Variants in UNC5C observed in about 807,000 individuals in gnomAD.
UNC5C encodes the protein unc-5 netrin receptor C, also known as netrin receptor UNC5C.
UNC5C carries 47 observed loss-of-function variants against 99.8 expected under a neutral mutation model. The ratio of observed to expected loss-of-function variants is 0.47; its 90% CI spans 0.37 to 0.60. The LOEUF (loss-of-function observed/expected upper bound fraction) is 0.60. UNC5C is among the 20% of genes least tolerant of loss of function. The pLI is 0.00. For missense variants in UNC5C, 1,062 were observed against 1,165.9 expected, an observed-to-expected ratio of 0.91 and a Z score of 1.30; for synonymous variants, 487 against 452.2, an observed-to-expected ratio of 1.08 and a Z score of -0.98.
intron 2 of UNC5C, among the ~76,000 whole-genome samples, chr4:95,316,947 A>G (rs1467345757): frequency 4.7e-5 from 7 of 150,302 alleles, no homozygotes; most frequent in Admixed American, 1.3e-4. Flanking sequence ...CTGTAATTTC[A>G]TATGTTCCTG....
At chr4:95,356,218 CAAAAAAA>C (rs796623348) in intron 1 of UNC5C, among the ~76,000 whole-genome samples, 1 of 81,782 alleles carries the variant, frequency 1.2e-5, no homozygotes. Context: ...AAAAACAAAA[CAAAAAAA>C]AAACAGATTC....
intron 1 of UNC5C, among the ~76,000 whole-genome samples, chr4:95,436,286 C>CA (rs1746787630): frequency 6.6e-6 from 1 of 151,634 alleles, no homozygotes; most frequent in African/African-American, 2.4e-5. Context: ...GGAAGTACCC[C>CA]TCTATTAAAT....
rs1321239897 is a variant in UNC5C, at chr4:95,540,754, T to C, written c.124+7980A>G. ...AATTCAAATGTCAATGTATTTCACA[T>C]AGACATACAGTTCAAAGTGAAATTA... On this transcript the variant is annotated intron_variant, in intron 1 of 15. Transcript: ENST00000453304. Among the ~76,000 whole-genome samples the C allele has an allele frequency of 2.0e-5, 3 of 152,326 alleles. No individual in the cohort carries two copies. The East Asian group carries it at 5.8e-4, about 29-fold the overall frequency.
chr4:95,320,434 A>AAAAAG (rs1232832929), intron 2 of UNC5C, among the ~76,000 whole-genome samples: 2 of 143,400 alleles, frequency 1.4e-5, no homozygotes, highest in Admixed American at 7.2e-5. Flanking sequence ...AAAAAAAAAA[A>AAAAAG]AAAAGAAAAG....
In UNC5C at chr4:95,219,224, G is replaced by A. The variant is rs774203936; in HGVS notation, c.1390C>T (p.Pro464Ser). ...TCCAGAATTGGAGAGTTGGTCATTGGGATTTTGTCTGAGACGTCATGCAGG... is the reference window on the plus strand; with the variant it reads ...TCCAGAATTGGAGAGTTGGTCATTGAGATTTTGTCTGAGACGTCATGCAGG... ...YALHDVSDKIPMTNSPILDPL... is the reference protein window; with the variant it reads ...YALHDVSDKISMTNSPILDPL... The change falls in exon 9 of 16, where the codon CCA (proline) becomes TCA (serine). Residue 464 changes from proline to serine, a missense_variant. Coordinates refer to ENST00000453304, the MANE Select transcript of UNC5C (RefSeq NM_003728.4). 2 of 1,614,142 alleles carry A rather than the reference G, an allele frequency of 1.2e-6. No individual in the cohort carries two copies. The highest frequency in any genetic ancestry group is 2.2e-5 in the South Asian group (2 of 91,076).
At chr4:95,286,180 T>C (rs1320981367) in intron 3 of UNC5C, among the ~76,000 whole-genome samples, 1 of 152,198 alleles carries the variant, frequency 6.6e-6, no homozygotes, top group Non-Finnish European at 1.5e-5. Context: ...CATCTACTGT[T>C]ATCACTACTA....
At chr4:95,196,078 AGGTATTGTACCCTT>A (rs1246752166) in intron 12 of UNC5C, among the ~76,000 whole-genome samples, 11 of 152,154 alleles carry the variant, frequency 7.2e-5, no homozygotes, top group African/African-American at 2.4e-4. Context: ...AGAGACTGTC[AGGTATTGTACCCTT>A]TGGATACTGG....
At chr4:95,367,434 C>T (rs1043458041) in intron 1 of UNC5C, among the ~76,000 whole-genome samples, 5 of 152,142 alleles carry the variant, frequency 3.3e-5, no homozygotes, top group Non-Finnish European at 7.3e-5. Flanking sequence ...CCACCTTGGC[C>T]TCCCAAAGTG....
At chr4:95,179,227 A>C (rs1391371628) in intron 14 of UNC5C, among the ~76,000 whole-genome samples, 1 of 152,236 alleles carries the variant, frequency 6.6e-6, no homozygotes, top group African/African-American at 2.4e-5. Flanking sequence ...GTCGCTTAGA[A>C]AAACTAGATT....
intron 1 of UNC5C, among the ~76,000 whole-genome samples, chr4:95,440,222 T>C (rs1311543438): frequency 1.3e-5 from 2 of 152,146 alleles, no homozygotes; most frequent in Non-Finnish European, 2.9e-5. Context: ...AGGGAGACAG[T>C]AGATTGTTTT....
intron 2 of UNC5C, 32 bp downstream of exon 2, chr4:95,335,378 G>C (rs372243103): frequency 2.9e-5 from 46 of 1,566,848 alleles, no homozygotes; most frequent in African/African-American, 4.1e-5. Flanking sequence ...AGTGAATCTT[G>C]AAGTGCAATG....
intron 1 of UNC5C, among the ~76,000 whole-genome samples, chr4:95,352,228 T>C (rs1291525278): frequency 6.6e-6 from 1 of 152,152 alleles, no homozygotes; most frequent in Non-Finnish European, 1.5e-5. Flanking sequence ...CCAGCCTCTA[T>C]GTCTCATTTT....
chr4:95,444,092 A>G (rs1284502721), intron 1 of UNC5C, among the ~76,000 whole-genome samples: 2 of 152,194 alleles, frequency 1.3e-5, no homozygotes, highest in African/African-American at 2.4e-5. Context: ...AGAGCATGAA[A>G]CTAACTCCAT....
chr4:95,480,642 T>C (rs534814922), intron 1 of UNC5C, among the ~76,000 whole-genome samples: 1 of 152,018 alleles, frequency 6.6e-6, no homozygotes, highest in African/African-American at 2.4e-5. Flanking sequence ...CAGCAGCACA[T>C]CAAAAAGCTT....
At position 95,412,325 on chromosome 4, in the gene UNC5C, A is replaced by T. The variant is rs532911389; in HGVS notation, c.125-76694T>A. Among the ~76,000 whole-genome samples, 4 of 152,302 alleles carry T rather than the reference A, an allele frequency of 2.6e-5. No individual in the cohort carries two copies. The South Asian group carries it at 6.2e-4, about 24-fold the overall frequency. On this transcript the variant is annotated intron_variant, in intron 1 of 15. Transcript: ENST00000453304. ...ATTAATATTGTATTTTCCATGAAGA[A>T]TGTGCCCCCTGAACACCTTCTGTGT... is the stretch of plus-strand genomic sequence containing the variant.
At chr4:95,348,224 G>A (rs1000773013) in intron 1 of UNC5C, among the ~76,000 whole-genome samples, 3 of 151,638 alleles carry the variant, frequency 2.0e-5, no homozygotes, top group African/African-American at 7.3e-5. Flanking sequence ...GACCAGTAAA[G>A]CCAGTTAAAA....
intron 1 of UNC5C, among the ~76,000 whole-genome samples, chr4:95,432,454 A>G (rs1257518848): frequency 6.6e-6 from 1 of 152,142 alleles, no homozygotes; most frequent in Non-Finnish European, 1.5e-5. Context: ...ATGCTAAACT[A>G]TTTCTTTATG....
chr4:95,451,706 C>T (rs1225414202), intron 1 of UNC5C, among the ~76,000 whole-genome samples: 6 of 152,076 alleles, frequency 3.9e-5, no homozygotes, highest in South Asian at 2.1e-4. Flanking sequence ...TATTGTTTCA[C>T]GTCTTAGTCA....
chr4:95,178,613 A>G (rs1736469510), intron 14 of UNC5C, among the ~76,000 whole-genome samples: 1 of 152,208 alleles, frequency 6.6e-6, no homozygotes, highest in Non-Finnish European at 1.5e-5. Context: ...GATGAAGCCA[A>G]CCTCTGATAG....
Sources: gnomAD v4.1 joint callset for allele counts (sites outside exome capture counted in the v4.1 genomes callset) on GRCh38, gnomAD v4.1.1 for gene constraint, MANE v1.5 for transcripts, NCBI Gene and HGNC (gene_info 2026-07-23, HGNC 2026-07-21) for gene names.